Variants in RNF38 observed in about 807,000 individuals in gnomAD.
RNF38 encodes the protein ring finger protein 38.
In RNF38, 15 loss-of-function variants were observed where a neutral mutation model predicts 67.2. The ratio of observed to expected loss-of-function variants is 0.22; its 90% CI spans 0.15 to 0.34. The LOEUF (loss-of-function observed/expected upper bound fraction) is 0.34, where lower values mean the gene tolerates loss of function less well. RNF38 is among the 10% of genes least tolerant of loss of function. RNF38 has a pLI of 1.00. For synonymous variants in RNF38, 220 were observed against 218.8 expected (o/e 1.01, Z -0.05); for missense variants, 524 against 639.9 (o/e 0.82, Z 1.95).
chr9:36,405,421 A>G (rs1309346576), upstream of RNF38, among the ~76,000 whole-genome samples: 1 of 152,144 alleles, frequency 6.6e-6, no homozygotes, highest in Non-Finnish European at 1.5e-5. Flanking sequence ...GGCTTACTGT[A>G]TTGCTCTAAA....
Position 36,344,805 on chromosome 9 carries a change from G to C in RNF38, c.1385+27C>G, listed in dbSNP as rs758936975. 1.9e-6 allele frequency: 3 copies of C among 1,603,544 alleles called. No individual in the cohort carries two copies. In the African/African-American group the frequency reaches 4.0e-5, roughly 21 times the overall value. ...TCATAAAGGTAGAAAAGGAAATTTAGCAGTGATGTCAGAAAAATTTACTTA... is the reference window on the plus strand; with the variant it reads ...TCATAAAGGTAGAAAAGGAAATTTACCAGTGATGTCAGAAAAATTTACTTA... On this transcript the variant is annotated intron_variant, in intron 10 of 11. Transcript: ENST00000259605.
intron 3 of RNF38, chr9:36,372,412 A>G (rs1248341394): frequency 6.7e-6 from 4 of 599,604 alleles, no homozygotes; most frequent in Non-Finnish European, 1.2e-5. Context: ...CTGTTTATTC[A>G]CAGTTCTTTG....
At chr9:36,408,195 G>A (rs56050799) in intron 2 of RNF38, among the ~76,000 whole-genome samples, 2,559 of 152,060 alleles carry the variant, frequency 0.017, 53 homozygotes, top group Non-Finnish European at 0.026. Context: ...AATTCCTGGG[G>A]GCTCAAGTGA....
intron 6 of RNF38, among the ~76,000 whole-genome samples, chr9:36,353,945 G>A (rs1833890982): frequency 6.6e-6 from 1 of 152,076 alleles, no homozygotes; most frequent in South Asian, 2.1e-4. Flanking sequence ...AGTTAACACT[G>A]GGAAACAAGA....
intron 9 of RNF38, 41 bp downstream of exon 9, chr9:36,351,074 A>T (rs1564000029): frequency 7.2e-7 from 1 of 1,395,240 alleles, no homozygotes; most frequent in Non-Finnish European, 1.0e-6. Flanking sequence ...ACTTTCATGC[A>T]CACAATATTC....
chr9:36,408,139 C>T (rs535502751), intron 2 of RNF38, among the ~76,000 whole-genome samples: 1 of 152,116 alleles, frequency 6.6e-6, no homozygotes, highest in Non-Finnish European at 1.5e-5. Flanking sequence ...AAACCTGTCA[C>T]CCAGGTTGAG....
chr9:36,356,497 T>C, intron 5 of RNF38, 24 bp from the exon 6 acceptor site: 1 of 1,521,586 alleles, frequency 6.6e-7, no homozygotes. Context: ...CATTACAGTT[T>C]GGTTAAAAAT....
intron 2 of RNF38, among the ~76,000 whole-genome samples, chr9:36,377,697 G>T (rs1042838246): frequency 1.3e-5 from 2 of 152,050 alleles, no homozygotes; most frequent in African/African-American, 4.8e-5. Flanking sequence ...AGACGCTCAG[G>T]TTCCTGATAT....
At chr9:36,487,391 G>A (rs1260396314) in exon 1 of RNF38, 3 of 982,792 alleles carry the variant, frequency 3.1e-6, no homozygotes, top group East Asian at 1.1e-4. Context: ...GAGGCGGTCC[G>A]TGGCGGCGGG....
At chr9:36,394,554 A>T (rs572706125) in intron 1 of RNF38, among the ~76,000 whole-genome samples, 1 of 152,372 alleles carries the variant, frequency 6.6e-6, no homozygotes, top group South Asian at 2.1e-4. Context: ...TTATTTAAGC[A>T]GTATAGCAGG....
chr9:36,409,868 CA>C (rs1410197165), intron 2 of RNF38, among the ~76,000 whole-genome samples: 5 of 152,132 alleles, frequency 3.3e-5, no homozygotes, highest in African/African-American at 1.2e-4. Context: ...TACTACAAAA[CA>C]AATCATAATA....
At chr9:36,482,935 A>G (rs775562558) in intron 1 of RNF38, among the ~76,000 whole-genome samples, 16 of 152,276 alleles carry the variant, frequency 1.1e-4, no homozygotes, top group Admixed American at 2.0e-4. Flanking sequence ...CTTTGCGTGG[A>G]TTAGAAAAGG....
At chr9:36,347,373 A>C (rs1163090062) in intron 9 of RNF38, among the ~76,000 whole-genome samples, 1 of 152,176 alleles carries the variant, frequency 6.6e-6, no homozygotes, top group African/African-American at 2.4e-5. Context: ...TTAAAACAAA[A>C]ACAAAAAATT....
At chr9:36,370,295 A>C (rs1372660379) in intron 3 of RNF38, among the ~76,000 whole-genome samples, 1 of 152,160 alleles carries the variant, frequency 6.6e-6, no homozygotes, top group Non-Finnish European at 1.5e-5. Context: ...AATAAAACGA[A>C]CTTTAATCTG....
chr9:36,401,824 T>C (rs1282555981), upstream of RNF38, among the ~76,000 whole-genome samples: 1 of 152,178 alleles, frequency 6.6e-6, no homozygotes, highest in African/African-American at 2.4e-5. Flanking sequence ...TTTAGGGTGG[T>C]AGAGTAAAAT....
Position 36,442,520 on chromosome 9 carries a change from G to A in RNF38, n.242-17837C>T, listed in dbSNP as rs183989319. 2.4e-4 allele frequency among the ~76,000 whole-genome samples: 36 copies of A among 152,272 alleles called. No homozygotes were observed. The East Asian group carries it at 3.5e-3, about 15-fold the overall frequency. ...ACACCTGCCAGGCGCAGTGGCTCAC[G>A]CCTGTAATCCCAGCACTTTGGGAGG... On this transcript the variant is annotated intron_variant and non_coding_transcript_variant, in intron 1 of 3. Coordinates refer to the RNF38 transcript ENST00000488058.
chr9:36,375,601 TA>T lies in RNF38; in HGVS notation c.356+332del, dbSNP rs541261401. On this transcript the variant is annotated intron_variant, in intron 3 of 11. Coordinates refer to ENST00000259605, the MANE Select transcript of RNF38 (RefSeq NM_022781.5). ...GTAGCTCATTTCTAAGACTTCCATA[TA>T]TCCTTACAGTTATGAACTACAAAAT... Among the ~76,000 whole-genome samples the T allele has an allele frequency of 6.4e-3, 977 of 152,364 alleles. 8 individuals carry two copies. The highest frequency in any genetic ancestry group is 0.017 in the Middle Eastern group (5 of 294).
chr9:36,355,885 C>T (rs532143601), intron 6 of RNF38, among the ~76,000 whole-genome samples: 3 of 152,222 alleles, frequency 2.0e-5, no homozygotes, highest in East Asian at 3.9e-4. Context: ...CTCACTCTGT[C>T]GCCCAGGCTG....
intron 1 of RNF38, among the ~76,000 whole-genome samples, chr9:36,447,321 T>C (rs1159004783): frequency 6.6e-6 from 1 of 152,102 alleles, no homozygotes; most frequent in Non-Finnish European, 1.5e-5. Context: ...CAAAAGTTGC[T>C]TGAGAGCAGA....
Sources: gnomAD v4.1 joint callset for allele counts (sites outside exome capture counted in the v4.1 genomes callset) on GRCh38, gnomAD v4.1.1 for gene constraint, MANE v1.5 for transcripts, NCBI Gene and HGNC (gene_info 2026-07-23, HGNC 2026-07-21) for gene names.